ABCA4: variants seen among roughly 807,000 people sequenced by gnomAD.
The protein encoded by ABCA4 is ATP binding cassette subfamily A member 4.
ABCA4 carries 196 observed loss-of-function variants against 263.7 expected under a neutral mutation model. That is an observed-to-expected ratio of 0.74 (90% CI 0.66 to 0.84). ABCA4 has a LOEUF of 0.84. ABCA4 is among the 40% of genes least tolerant of loss of function. ABCA4 has a pLI of 0.00. For missense variants in ABCA4, 2,792 were observed against 2,855.1 expected (o/e 0.98, Z 0.50); for synonymous variants, 1,133 against 1,094.2 (o/e 1.04, Z -0.70).
chr1:94,043,265 C>A, intron 21 of ABCA4, 71 bp downstream of exon 21: 1 of 1,608,712 alleles, frequency 6.2e-7, no homozygotes, highest in Non-Finnish European at 8.5e-7. Flanking sequence ...CAAGCCTCCC[C>A]TGCCTCCTGG....
At chr1:94,008,090 T>G in intron 42 of ABCA4, 145 bp downstream of exon 42, 1 of 763,510 alleles carries the variant, frequency 1.3e-6, no homozygotes, top group Non-Finnish European at 2.3e-6. Flanking sequence ...TTTTCTCATG[T>G]GGCTAGTGGA....
intron 34 of ABCA4, 102 bp from the exon 35 acceptor site, chr1:94,021,511 T>G: frequency 6.5e-7 from 1 of 1,540,916 alleles, no homozygotes; most frequent in Admixed American, 1.7e-5. Flanking sequence ...GTTTGGTAGC[T>G]GGAAGACATT....
intron 4 of ABCA4, among the ~76,000 whole-genome samples, chr1:94,107,060 C>T (rs1398090543): frequency 2.6e-5 from 4 of 152,154 alleles, no homozygotes; most frequent in East Asian, 1.9e-4. Flanking sequence ...AAGGTGCCCC[C>T]GGGGCTGATT....
chr1:93,997,820 CCA>C (rs756248158), intron 48 of ABCA4, 39 bp downstream of exon 48: 1 of 1,613,192 alleles, frequency 6.2e-7, no homozygotes, highest in East Asian at 2.2e-5. Flanking sequence ...GTGTTCTGGA[CCA>C]GTCTTTGCTC....
At chr1:94,030,349 A>C (rs761162277) in intron 29 of ABCA4, 79 bp downstream of exon 29, 1 of 1,292,518 alleles carries the variant, frequency 7.7e-7, no homozygotes, top group East Asian at 2.3e-5. Context: ...GGCCTCCCCA[A>C]CGCCTGCCAT....
At position 94,079,324 on chromosome 1, in the gene ABCA4, T is replaced by A. The variant is rs763545409; in HGVS notation, c.1237A>T (p.Asn413Tyr). 1 of 1,614,130 alleles carries A rather than the reference T, an allele frequency of 6.2e-7. No individual in the cohort carries two copies. Among genetic ancestry groups the A allele is most frequent in the Admixed American group, 1.7e-5 (1 of 60,026 alleles). ...DSPAARRILKNANSTFEELEH... is the reference protein window; with the variant it reads ...DSPAARRILKYANSTFEELEH... ...GGCAAGCCCAGCTGGGATCTTACAT[T>A]CTTCAGTATCCTTCGTGCTGCAGGT... is the stretch of plus-strand genomic sequence containing the variant. Residue 413 changes from asparagine (N) to tyrosine (Y), a missense_variant and splice_region_variant, in exon 9 of 50, where the codon AAT (asparagine) becomes TAT (tyrosine). Physicochemically the swap from Asn to Tyr is moderately radical, Grantham distance 143. Transcript: ENST00000370225.
chr1:94,023,720 C>T (rs976301864), intron 31 of ABCA4, among the ~76,000 whole-genome samples: 1 of 152,206 alleles, frequency 6.6e-6, no homozygotes, highest in Non-Finnish European at 1.5e-5. Context: ...GGACCCAGAA[C>T]ACACGGCAAT....
chr1:93,997,306 A>G (rs1403083189), intron 48 of ABCA4, among the ~76,000 whole-genome samples: 1 of 152,088 alleles, frequency 6.6e-6, no homozygotes, highest in Non-Finnish European at 1.5e-5. Context: ...CACCCAGACT[A>G]GAGTGCAGTG....
In ABCA4 at chr1:94,083,427, T is replaced by C; in HGVS notation, c.783A>G (p.Leu261=). The part of the protein sequence containing the change: ...FKLFRVLPTL[L]DSRSQGINLR... ...GATTGATACCTTGAGAACGGCTGTCTAGGAGTGTGGGAAGCTGTAATTGAC... is the reference window on the plus strand; with the variant it reads ...GATTGATACCTTGAGAACGGCTGTCCAGGAGTGTGGGAAGCTGTAATTGAC... The change falls in exon 7 of 50, where the codon CTA becomes CTG. Residue 261 remains leucine (L), a synonymous_variant. Coordinates refer to ENST00000370225, the MANE Select transcript of ABCA4 (RefSeq NM_000350.3). The C allele has an allele frequency of 6.2e-7, 1 of 1,613,606 alleles. No homozygotes were observed. The highest frequency in any genetic ancestry group is 8.5e-7 in the Non-Finnish European group (1 of 1,179,696).
chr1:94,026,682 C>A (rs1660047814), intron 30 of ABCA4, among the ~76,000 whole-genome samples: 1 of 152,202 alleles, frequency 6.6e-6, no homozygotes, highest in Admixed American at 6.5e-5. Flanking sequence ...ATTTGTGTAA[C>A]CCTATCTCCA....
Position 94,037,131 on chromosome 1 carries a change from A to G in ABCA4, c.3813+14T>C, listed in dbSNP as rs772143420. The stretch of plus-strand genomic sequence containing the variant: ...CTGGCACTTGACAGAAACCAGCTGG[A>G]ATCTCTACTTTACCTCTTCCAGGGG... On this transcript the variant is annotated intron_variant, in intron 25 of 49. Coordinates refer to ENST00000370225, the MANE Select transcript of ABCA4 (RefSeq NM_000350.3). 19 of 1,613,276 alleles carry G rather than the reference A, an allele frequency of 1.2e-5. No individual in the cohort carries two copies. In the South Asian group the frequency reaches 2.1e-4, roughly 18 times the overall value.
chr1:94,017,670 G>A (rs567302874), intron 36 of ABCA4, among the ~76,000 whole-genome samples: 1 of 152,296 alleles, frequency 6.6e-6, no homozygotes, highest in East Asian at 1.9e-4. Context: ...TGTTGTGGTT[G>A]TATGGGGTGT....
At chr1:94,069,592 C>G (rs1018164346) in intron 11 of ABCA4, among the ~76,000 whole-genome samples, 3 of 152,192 alleles carry the variant, frequency 2.0e-5, no homozygotes, top group African/African-American at 7.2e-5. Flanking sequence ...AAGGTAGACA[C>G]CTGGGGTTCC....
intron 1 of ABCA4, among the ~76,000 whole-genome samples, chr1:94,114,553 C>A (rs1190607244): frequency 6.6e-6 from 1 of 152,070 alleles, no homozygotes; most frequent in Non-Finnish European, 1.5e-5. Context: ...GTGGCACGAT[C>A]TTGGCTCACT....
At chr1:94,043,739 G>A (rs1660584760) in intron 20 of ABCA4, among the ~76,000 whole-genome samples, 2 of 151,202 alleles carry the variant, frequency 1.3e-5, no homozygotes, top group Admixed American at 1.3e-4. Flanking sequence ...CATGAAAGAT[G>A]TTCCTGATAT....
At chr1:94,116,808 C>G (rs566914028) in intron 1 of ABCA4, among the ~76,000 whole-genome samples, 28 of 152,288 alleles carry the variant, frequency 1.8e-4, no homozygotes, top group African/African-American at 6.5e-4. Context: ...TCAGACTCCC[C>G]CTACCCTGCC....
At chr1:94,006,389 T>C (rs941768441) in intron 43 of ABCA4, among the ~76,000 whole-genome samples, 1 of 152,224 alleles carries the variant, frequency 6.6e-6, no homozygotes, top group Non-Finnish European at 1.5e-5. Context: ...AAGCCTATAG[T>C]TTCTTTCTAG....
chr1:94,112,335 T>C (rs1662630501), intron 2 of ABCA4, among the ~76,000 whole-genome samples: 1 of 152,216 alleles, frequency 6.6e-6, no homozygotes, highest in African/African-American at 2.4e-5. Flanking sequence ...ATTCTCTATA[T>C]TGATTCCTGA....
Position 94,001,073 on chromosome 1 carries a change from T to C in ABCA4, c.6315A>G (p.Ala2105=). ...DEPTTGMDPQ[A]RRMLWNVIVS... ...CGATGACGTTCCACAGCATGCGGCG[T>C]GCCTGGGGGTCCATCCCTGTGGTGG... The change falls in exon 46 of 50, where the codon GCA becomes GCG. Residue 2105 remains alanine (A), a synonymous_variant. Transcript: ENST00000370225. 6.2e-7 allele frequency: 1 copy of C among 1,614,072 alleles called. No homozygotes were observed. Among genetic ancestry groups the C allele is most frequent in the Non-Finnish European group, 8.5e-7 (1 of 1,180,010 alleles).
Sources: allele counts gnomAD v4.1 joint callset (sites outside exome capture counted in the v4.1 genomes callset), GRCh38; gene constraint gnomAD v4.1.1; transcripts MANE v1.5; gene names NCBI Gene and HGNC (gene_info 2026-07-23, HGNC 2026-07-21).